RERE: variants seen among roughly 807,000 people sequenced by gnomAD.
The protein encoded by RERE is arginine-glutamic acid dipeptide repeats protein.
RERE carries 40 observed loss-of-function variants against 146.1 expected under a neutral mutation model. The observed-to-expected ratio is 0.27, with a 90% CI of 0.21 to 0.36. The LOEUF is 0.36. Among genes scored for constraint, RERE ranks in the 10% least tolerant of loss-of-function variants. RERE has a pLI of 1.00. For missense variants in RERE, 1,933 were observed against 2,138.7 expected (o/e 0.90, Z 1.90); for synonymous variants, 1,003 against 866.0 (o/e 1.16, Z -2.78).
At chr1:8,653,820 T>C (rs1325374923) in intron 2 of RERE, among the ~76,000 whole-genome samples, 1 of 152,110 alleles carries the variant, frequency 6.6e-6, no homozygotes, top group African/African-American at 2.4e-5. Flanking sequence ...AAGAAATTCT[T>C]ACTGCCCAAT....
intron 12 of RERE, among the ~76,000 whole-genome samples, chr1:8,375,520 ACTCAGCAGCCACTGAAAATGCTTCCTCG>A (rs1557597249): frequency 1.5e-3 from 163 of 105,964 alleles, no homozygotes; most frequent in African/African-American, 2.1e-3. Flanking sequence ...ATGCTTCCTC[ACTCAGCAGCCACTGAAAATGCTTCCTCG>A]CTCAGCAGCC....
At chr1:8,469,522 G>C (rs1644652112) in intron 10 of RERE, among the ~76,000 whole-genome samples, 1 of 152,136 alleles carries the variant, frequency 6.6e-6, no homozygotes, top group Non-Finnish European at 1.5e-5. Context: ...GGGAGGCTGA[G>C]GCAGGCAGGA....
In RERE at chr1:8,356,086, A is replaced by AG. The variant is rs551728318; in HGVS notation, c.4486+13dup. On this transcript the variant is annotated intron_variant, in intron 21 of 22. Transcript: ENST00000400908. The surrounding 1 kb of genome is among the most constrained non-coding windows in gnomAD (Gnocchi z 5.2). ...CACACGGCCTCCCCGCCCCTCCTGG[A>AG]GGGGAAGTCTTACCGAAAACTGGGT... The AG allele has an allele frequency of 1.7e-4, 247 of 1,483,592 alleles. 3 individuals carry two copies. The African/African-American group carries it at 3.3e-3, about 20-fold the overall frequency. The allele number at this position is 1,483,592 out of a possible 1,614,324, so 91.9% of individuals were successfully genotyped here. A position where few individuals can be genotyped will look rare whatever the true frequency, so the allele number is the denominator to read the frequency against.
Position 8,652,967 on chromosome 1 carries a change from G to A in RERE, c.325+3006C>T, listed in dbSNP as rs115914806. On this transcript the variant is annotated intron_variant, in intron 2 of 22. Coordinates refer to ENST00000400908, the MANE Select transcript of RERE (RefSeq NM_001042681.2). ...TCCCACTTCAGTCTCACAAGTAGCC[G>A]AGACTAAAAGCACACGCCACTGTGC... 8.1e-3 allele frequency among the ~76,000 whole-genome samples: 1,235 copies of A among 152,292 alleles called. 4 individuals carry two copies. Among genetic ancestry groups the A allele is most frequent in the Non-Finnish European group, 0.013 (910 of 68,026 alleles).
At chr1:8,365,452 T>G (rs1276452141) in intron 13 of RERE, among the ~76,000 whole-genome samples, 2 of 152,028 alleles carry the variant, frequency 1.3e-5, no homozygotes, top group African/African-American at 4.8e-5. Flanking sequence ...AAAAGTGCAA[T>G]GAGAATTCAA....
chr1:8,414,953 T>C (rs1195046714), intron 12 of RERE, among the ~76,000 whole-genome samples: 1 of 152,184 alleles, frequency 6.6e-6, no homozygotes, highest in Non-Finnish European at 1.5e-5. Context: ...AACAATACTA[T>C]TAATTTTTAC....
rs1168271499 is a variant in RERE at position 8,805,004 on chromosome 1, TTTGG to T, written c.-145+12152_-145+12155del. ...ATGATTTTTTTTGTTTTGTTTTGTTTTTGGTTTTTTTTTTTTTTTTTTTTGAGAC... is the reference window on the plus strand; with the variant it reads ...ATGATTTTTTTTGTTTTGTTTTGTTTTTTTTTTTTTTTTTTTTTTTGAGAC... On this transcript the variant is annotated intron_variant, in intron 1 of 22. Coordinates refer to ENST00000400908, the MANE Select transcript of RERE (RefSeq NM_001042681.2). 8.2e-5 allele frequency among the ~76,000 whole-genome samples: 9 copies of T among 109,168 alleles called. No individual in the cohort carries two copies. In the South Asian group the frequency reaches 8.3e-4, roughly 10 times the overall value. The allele number at this position is 109,168 out of a possible 152,430, so 71.6% of individuals were successfully genotyped here. A position where few individuals can be genotyped will look rare whatever the true frequency, so the allele number is the denominator to read the frequency against.
chr1:8,410,407 A>C (rs1462435600), intron 12 of RERE, among the ~76,000 whole-genome samples: 1 of 152,208 alleles, frequency 6.6e-6, no homozygotes, highest in African/African-American at 2.4e-5. Context: ...GCCCACATGA[A>C]GAGCCTCCAT....
rs925057321 is a variant in RERE, at chr1:8,743,706, C to G, written c.-145+73454G>C. Among the ~76,000 whole-genome samples the G allele has an allele frequency of 3.3e-5, 5 of 152,228 alleles. No individual in the cohort carries two copies. In the South Asian group the frequency reaches 1.0e-3, roughly 32 times the overall value. ...AACAAGGGCCTTGGGGATATTCTCTCTACCAAGACTGATCTTTCCTTTACT... is the reference window on the plus strand; with the variant it reads ...AACAAGGGCCTTGGGGATATTCTCTGTACCAAGACTGATCTTTCCTTTACT... On this transcript the variant is annotated intron_variant, in intron 1 of 22. Transcript: ENST00000400908.
intron 2 of RERE, among the ~76,000 whole-genome samples, chr1:8,638,791 T>G (rs1647135405): frequency 7.0e-6 from 1 of 143,478 alleles, no homozygotes; most frequent in Admixed American, 6.8e-5. Context: ...AAATTTTTTT[T>G]TTTTTTTTTT....
At chr1:8,579,725 G>A (rs149030821) in intron 4 of RERE, among the ~76,000 whole-genome samples, 46 of 152,318 alleles carry the variant, frequency 3.0e-4, no homozygotes, top group African/African-American at 8.7e-4. Flanking sequence ...TGCCTAAGGC[G>A]GGGCACAGTG....
chr1:8,561,959 C>G (rs997000386), intron 4 of RERE, among the ~76,000 whole-genome samples: 4 of 152,238 alleles, frequency 2.6e-5, no homozygotes, highest in Non-Finnish European at 5.9e-5. Context: ...GGCTCTGCAA[C>G]TTACTAAGCT....
chr1:8,481,167 A>G (rs1295742528), intron 10 of RERE, among the ~76,000 whole-genome samples: 2 of 152,160 alleles, frequency 1.3e-5, no homozygotes, highest in Non-Finnish European at 2.9e-5. Flanking sequence ...ACCAGGCTGG[A>G]GTGCAGTGGC....
chr1:8,373,345 G>A (rs1236794251), intron 12 of RERE, among the ~76,000 whole-genome samples: 2 of 152,232 alleles, frequency 1.3e-5, no homozygotes, highest in East Asian at 3.9e-4. Flanking sequence ...TTGAAAAAAT[G>A]CCCCACAGTG....
chr1:8,728,766 G>T (rs910162875), intron 1 of RERE, among the ~76,000 whole-genome samples: 1 of 152,204 alleles, frequency 6.6e-6, no homozygotes, highest in Non-Finnish European at 1.5e-5. Context: ...CCATCCAGTA[G>T]ATAAAAACGA....
intron 8 of RERE, among the ~76,000 whole-genome samples, chr1:8,502,714 T>G (rs1224392810): frequency 1.3e-5 from 2 of 150,552 alleles, no homozygotes; most frequent in Non-Finnish European, 3.0e-5. Flanking sequence ...GAAGTAGATA[T>G]GGGAGACTTT....
At chr1:8,452,954 T>G (rs1644405682) in intron 11 of RERE, among the ~76,000 whole-genome samples, 2 of 152,158 alleles carry the variant, frequency 1.3e-5, no homozygotes, top group African/African-American at 2.4e-5. Context: ...GAGAGTAGCA[T>G]GGCGTGATGC....
intron 2 of RERE, among the ~76,000 whole-genome samples, chr1:8,653,536 A>C (rs1461779433): frequency 6.6e-6 from 1 of 152,064 alleles, no homozygotes; most frequent in Non-Finnish European, 1.5e-5. Context: ...TCTACTAAAA[A>C]TACAAAATAT....
chr1:8,762,191 A>C (rs1044668327), intron 1 of RERE, among the ~76,000 whole-genome samples: 1 of 152,140 alleles, frequency 6.6e-6, no homozygotes, highest in African/African-American at 2.4e-5. Flanking sequence ...CTTCAGCAGT[A>C]CCTCACTTGA....
Sources: gnomAD v4.1 joint callset for allele counts (sites outside exome capture counted in the v4.1 genomes callset) on GRCh38, gnomAD v4.1.1 for gene constraint, Gnocchi (gnomAD v3.1) non-coding constraint, MANE v1.5 for transcripts, NCBI Gene and HGNC (gene_info 2026-07-23, HGNC 2026-07-21) for gene names.